Variants in CDC42SE2 observed in about 807,000 individuals in gnomAD.
CDC42SE2 encodes the protein CDC42 small effector protein 2.
A neutral mutation model predicts 11.5 loss-of-function variants in CDC42SE2; 3 were observed. That is an observed-to-expected ratio of 0.26 (90% confidence interval 0.12 to 0.67). The LOEUF (loss-of-function observed/expected upper bound fraction) is 0.67. CDC42SE2 is among the 30% of genes least tolerant of loss of function. The pLI is 0.80. For synonymous variants in CDC42SE2, 33 were observed against 34.8 expected (o/e 0.95, Z 0.18); for missense variants, 82 against 106.8 (o/e 0.77, Z 1.02).
intron 1 of CDC42SE2, among the ~76,000 whole-genome samples, chr5:131,266,843 G>A (rs1756876505): frequency 6.6e-6 from 1 of 151,668 alleles, no homozygotes; most frequent in South Asian, 2.1e-4. Flanking sequence ...GAAGTTACCT[G>A]ACAATGTACC....
At chr5:131,358,411 T>TA (rs1561597800) in intron 2 of CDC42SE2, among the ~76,000 whole-genome samples, 1 of 152,142 alleles carries the variant, frequency 6.6e-6, no homozygotes, top group Non-Finnish European at 1.5e-5. Context: ...TTGTCAGCAT[T>TA]ATTACCTCAA....
At position 131,302,273 on chromosome 5, in the gene CDC42SE2, G is replaced by A. The variant is rs550139403; in HGVS notation, c.-454-13703G>A. Among the ~76,000 whole-genome samples the A allele has an allele frequency of 4.1e-3, 629 of 151,860 alleles. 4 individuals carry two copies. Among genetic ancestry groups the A allele is most frequent in the African/African-American group, 0.013 (543 of 41,398 alleles). ...CAGCTCACTGCAACCTCCGCCTCCC[G>A]GGTTCAAGAGATTCTCCTGCCTCAG... is the stretch of plus-strand genomic sequence containing the variant. On this transcript the variant is annotated intron_variant, in intron 1 of 4. Transcript: ENST00000505065.
At chr5:131,237,789 A>G in the CDC42SE2 span, among the ~76,000 whole-genome samples, 6 of 152,066 alleles carry the variant, frequency 3.9e-5, no homozygotes, top group Non-Finnish European at 8.8e-5. Context: ...GAGTCTCGCT[A>G]TATTGCCCAG....
the CDC42SE2 span, among the ~76,000 whole-genome samples, chr5:131,224,551 C>T: frequency 2.6e-5 from 4 of 152,186 alleles, no homozygotes; most frequent in African/African-American, 9.6e-5. Flanking sequence ...CTGTTCTGAA[C>T]CACCATCCTT....
intron 1 of CDC42SE2, among the ~76,000 whole-genome samples, chr5:131,294,016 C>T (rs1208808237): frequency 6.6e-6 from 1 of 152,158 alleles, no homozygotes; most frequent in Non-Finnish European, 1.5e-5. Context: ...TAATGTCACA[C>T]TGAGCCACTC....
At chr5:131,309,493 A>C (rs985069316) in intron 1 of CDC42SE2, among the ~76,000 whole-genome samples, 1 of 151,184 alleles carries the variant, frequency 6.6e-6, no homozygotes, top group Non-Finnish European at 1.5e-5. Context: ...CTCTTTTTCT[A>C]TTGATTGGAA....
chr5:131,337,802 G>A (rs960038329), intron 2 of CDC42SE2, among the ~76,000 whole-genome samples: 4 of 152,384 alleles, frequency 2.6e-5, no homozygotes, highest in African/African-American at 9.6e-5. Flanking sequence ...TGTGCCGTTT[G>A]TGAAGCCCGT....
chr5:131,308,784 T>C (rs1236247333), intron 1 of CDC42SE2, among the ~76,000 whole-genome samples: 37 of 151,976 alleles, frequency 2.4e-4, no homozygotes, highest in Non-Finnish European at 3.7e-4. Flanking sequence ...GTGATTTTTG[T>C]ACATTGATTT....
intron 3 of CDC42SE2, among the ~76,000 whole-genome samples, chr5:131,361,587 CAGTT>C (rs1487361027): frequency 6.6e-6 from 1 of 152,176 alleles, no homozygotes; most frequent in Non-Finnish European, 1.5e-5. Flanking sequence ...TTAACCAGCT[CAGTT>C]AGACCCTCTA....
At chr5:131,331,825 C>G (rs1219246977) in intron 2 of CDC42SE2, among the ~76,000 whole-genome samples, 1 of 152,122 alleles carries the variant, frequency 6.6e-6, no homozygotes, top group Non-Finnish European at 1.5e-5. Context: ...ACATCATTAT[C>G]AAAGCTTTCT....
intron 1 of CDC42SE2, chr5:131,254,997 ATCT>A (rs888806011): frequency 1.3e-5 from 2 of 152,178 alleles, no homozygotes; most frequent in African/African-American, 4.8e-5. Context: ...AAAAAAAAAA[ATCT>A]TCTAAGTTTG....
chr5:131,342,865 G>A (rs996870988), intron 2 of CDC42SE2, among the ~76,000 whole-genome samples: 3 of 151,558 alleles, frequency 2.0e-5, no homozygotes, highest in South Asian at 2.1e-4. Flanking sequence ...GGCATGTGCC[G>A]CCACACCTGG....
chr5:131,328,553 C>T (rs904606352), intron 2 of CDC42SE2, among the ~76,000 whole-genome samples: 1 of 152,140 alleles, frequency 6.6e-6, no homozygotes, highest in Admixed American at 6.6e-5. Flanking sequence ...AGTATTTCTA[C>T]TTGATCCTTT....
intron 1 of CDC42SE2, among the ~76,000 whole-genome samples, chr5:131,283,157 C>T (rs796700890): frequency 3.3e-5 from 5 of 151,588 alleles, no homozygotes; most frequent in African/African-American, 1.2e-4. Flanking sequence ...GAACTCCTGA[C>T]CTCAGGTGAT....
intron 2 of CDC42SE2, among the ~76,000 whole-genome samples, chr5:131,352,573 T>G (rs1436755229): frequency 6.6e-6 from 1 of 152,238 alleles, no homozygotes. Context: ...CAGTCTTTTA[T>G]AACTGAGTTC....
At chr5:131,274,886 A>G (rs1338393342) in intron 1 of CDC42SE2, among the ~76,000 whole-genome samples, 1 of 152,174 alleles carries the variant, frequency 6.6e-6, no homozygotes, top group Non-Finnish European at 1.5e-5. Flanking sequence ...TGGGGACTCA[A>G]CATTTCCTGA....
At position 131,294,545 on chromosome 5, in the gene CDC42SE2, A is replaced by G. The variant is rs186509762; in HGVS notation, c.-454-21431A>G. Among the ~76,000 whole-genome samples, 518 of 152,350 alleles carry G rather than the reference A, an allele frequency of 3.4e-3. 1 individual carries two copies. Among genetic ancestry groups the G allele is most frequent in the Non-Finnish European group, 5.7e-3 (388 of 68,038 alleles). ...TCTAGTTGATGTAGACAAGCAACAAATGAGTGAAATATATAGAATGCCAGA... is the reference window on the plus strand; with the variant it reads ...TCTAGTTGATGTAGACAAGCAACAAGTGAGTGAAATATATAGAATGCCAGA... On this transcript the variant is annotated intron_variant, in intron 1 of 4. Transcript: ENST00000505065.
the CDC42SE2 span, among the ~76,000 whole-genome samples, chr5:131,217,126 ATCTAG>A: frequency 6.6e-6 from 1 of 152,234 alleles, no homozygotes; most frequent in Admixed American, 6.5e-5. Context: ...CTTTGACCAA[ATCTAG>A]TCTTCCACCT....
At chr5:131,300,548 G>T (rs1307099013) in intron 1 of CDC42SE2, among the ~76,000 whole-genome samples, 1 of 152,130 alleles carries the variant, frequency 6.6e-6, no homozygotes, top group African/African-American at 2.4e-5. Flanking sequence ...ACTTTGGGAG[G>T]CCGAGGCGGG....
Sources: gnomAD v4.1 joint callset for allele counts (sites outside exome capture counted in the v4.1 genomes callset) on GRCh38, gnomAD v4.1.1 for gene constraint, MANE v1.5 for transcripts, NCBI Gene and HGNC (gene_info 2026-07-23, HGNC 2026-07-21) for gene names.